Variants in UGGT1 observed in about 807,000 individuals in gnomAD.
UGGT1 encodes UDP-glucose glycoprotein glucosyltransferase 1, also known as UDP-glucose:glycoprotein glucosyltransferase 1.
In UGGT1, 107 loss-of-function variants were observed where a neutral mutation model predicts 203.9. The ratio of observed to expected loss-of-function variants is 0.52; its 90% CI spans 0.45 to 0.62. The LOEUF is 0.62. UGGT1 is among the 20% of genes least tolerant of loss of function. UGGT1 has a pLI of 0.00. For synonymous variants in UGGT1, 628 were observed against 653.5 expected, an observed-to-expected ratio of 0.96 and a Z score of 0.59; for missense variants, 1,673 against 1,867.2, an observed-to-expected ratio of 0.90 and a Z score of 1.92.
chr2:128,157,142 C>T, intron 21 of UGGT1, 110 bp from the exon 22 acceptor site: 1 of 778,862 alleles, frequency 1.3e-6, no homozygotes. Context: ...TCATTTTCTT[C>T]TTTTTGCATG....
At position 128,175,292 on chromosome 2, in the gene UGGT1, G is replaced by A. The variant is rs566571884; in HGVS notation, c.3539+434G>A. ...CTTTGGTCTTGAAGCTGTGCTGTTA[G>A]TGCTGGTATTCCTTGGTCTGTGGTG... On this transcript the variant is annotated intron_variant, in intron 31 of 40. Transcript: ENST00000259253. Among the ~76,000 whole-genome samples, 6 of 152,362 alleles carry A rather than the reference G, an allele frequency of 3.9e-5. No homozygotes were observed. In the East Asian group the frequency reaches 1.2e-3, roughly 29 times the overall value.
intron 13 of UGGT1, among the ~76,000 whole-genome samples, chr2:128,129,503 A>G (rs1372802407): frequency 6.6e-6 from 1 of 151,178 alleles, no homozygotes; most frequent in African/African-American, 2.4e-5. Flanking sequence ...GGTTCAAGCA[A>G]TTCTCCTGCC....
chr2:128,118,339 C>T (rs1201652317), intron 8 of UGGT1, among the ~76,000 whole-genome samples: 1 of 152,096 alleles, frequency 6.6e-6, no homozygotes, highest in Non-Finnish European at 1.5e-5. Flanking sequence ...AATCACGGCT[C>T]ACTGCAGCCT....
At chr2:128,167,131 A>G (rs1474494594) in intron 26 of UGGT1, among the ~76,000 whole-genome samples, 1 of 152,204 alleles carries the variant, frequency 6.6e-6, no homozygotes, top group African/African-American at 2.4e-5. Context: ...ACTTTCAGGA[A>G]GTAACTCATT....
chr2:128,182,305 CACT>C lies in UGGT1; in HGVS notation c.4244+16_4244+18del. The C allele has an allele frequency of 6.3e-7, 1 of 1,595,318 alleles. No individual in the cohort carries two copies. Among genetic ancestry groups the C allele is most frequent in the African/African-American group, 1.3e-5 (1 of 74,164 alleles). On this transcript the variant is annotated intron_variant, in intron 37 of 40. Coordinates refer to ENST00000259253, the MANE Select transcript of UGGT1 (RefSeq NM_020120.4). ...TATCATATCAGGTACTGAAAAGAAGCACTCCTAACACTGTTACGGGGTTTTCCT... is the reference window on the plus strand; with the variant it reads ...TATCATATCAGGTACTGAAAAGAAGCCCTAACACTGTTACGGGGTTTTCCT...
intron 12 of UGGT1, among the ~76,000 whole-genome samples, chr2:128,128,608 A>T (rs371570530): frequency 6.6e-6 from 1 of 152,118 alleles, no homozygotes; most frequent in Non-Finnish European, 1.5e-5. Flanking sequence ...CACCGCGCCC[A>T]GCCCTTCATC....
At position 128,161,255 on chromosome 2, in the gene UGGT1, G is replaced by A; in HGVS notation, c.2812G>A (p.Val938Ile). 8 of 1,613,596 alleles carry A rather than the reference G, an allele frequency of 5.0e-6. No individual in the cohort carries two copies. The highest frequency in any genetic ancestry group is 6.8e-6 in the Non-Finnish European group (8 of 1,179,826). The change falls in exon 25 of 41, where the codon GTA becomes ATA. Residue 938 changes from valine (V) to isoleucine (I), a missense_variant. This residue lies in a region of UGGT1 where 1,073 missense variants were observed against 1,078.7 expected (regional missense o/e 0.99). Transcript: ENST00000259253. ...KIKSHIQQLR[V>I]EEDVASDLVM... ...AAAATCTCATATTCAACAGCTTCGG[G>A]TAGAAGAAGATGTGTAAGTTTTGCC...
At chr2:128,163,338 T>C (rs770396337) in intron 25 of UGGT1, among the ~76,000 whole-genome samples, 4 of 152,000 alleles carry the variant, frequency 2.6e-5, no homozygotes, top group Non-Finnish European at 2.9e-5. Context: ...AAAATTCTTA[T>C]TCAGGATTTA....
chr2:128,138,804 T>C lies in UGGT1; in HGVS notation c.1671T>C (p.Tyr557=), dbSNP rs1352727309. ...AGVAVLRAYN[Y]VAQEVDDYHA... ...TGGCTGTTCTTAGAGCATATAATTA[T>C]GTTGCCCAAGAAGTGGATGATTATC... The change falls in exon 16 of 41, where the codon TAT becomes TAC. Residue 557 remains tyrosine (Y), a synonymous_variant. Coordinates refer to ENST00000259253, the MANE Select transcript of UGGT1 (RefSeq NM_020120.4). 1 of 1,614,198 alleles carries C rather than the reference T, an allele frequency of 6.2e-7. No individual in the cohort carries two copies. The highest frequency in any genetic ancestry group is 1.7e-5 in the Admixed American group (1 of 60,022).
chr2:128,151,323 A>G lies in UGGT1; in HGVS notation c.2017-1461A>G, dbSNP rs940869357. ...GTTTCAGCAGCACCTTCACAGGCAG[A>G]CATGGCGCCTGCCACGCCTTCCCCA... On this transcript the variant is annotated intron_variant, in intron 18 of 40. Coordinates refer to ENST00000259253, the MANE Select transcript of UGGT1 (RefSeq NM_020120.4). 6 of 560,834 alleles carry G rather than the reference A, an allele frequency of 1.1e-5. No individual in the cohort carries two copies. The African/African-American group carries it at 1.1e-4, about 11-fold the overall frequency. The allele number at this position is 560,834 out of a possible 1,614,324, so 34.7% of individuals were successfully genotyped here.
rs1288958939 is a variant in UGGT1, at chr2:128,160,502, A to C, written c.2605A>C (p.Lys869Gln). The change falls in exon 24 of 41, where the codon AAA becomes CAA. Residue 869 changes from lysine to glutamine, a missense_variant. Coordinates refer to ENST00000259253, the MANE Select transcript of UGGT1 (RefSeq NM_020120.4). ...SLFKEVFESS[K>Q]MDFILSHAVY... ...TTTTAAAGAGGTCTTTGAGTCTTCC[A>C]AAATGGATTTCATTTTGTCTCATGC... is the stretch of plus-strand genomic sequence containing the variant. 7 of 1,612,650 alleles carry C rather than the reference A, an allele frequency of 4.3e-6. No homozygotes were observed. Among genetic ancestry groups the C allele is most frequent in the South Asian group, 1.1e-5 (1 of 90,834 alleles).
intron 31 of UGGT1, 71 bp from the exon 32 acceptor site, chr2:128,176,741 CAG>C: frequency 1.4e-6 from 2 of 1,380,580 alleles, no homozygotes; most frequent in Non-Finnish European, 2.0e-6. Context: ...ATGATGGACT[CAG>C]ATGCTCTGAG....
At chr2:128,133,434 G>T (rs1456178226) in intron 14 of UGGT1, among the ~76,000 whole-genome samples, 174 bp downstream of exon 14, 1 of 152,162 alleles carries the variant, frequency 6.6e-6, no homozygotes, top group African/African-American at 2.4e-5. Flanking sequence ...CTGACCACTT[G>T]TGGGGCTGTG....
chr2:128,161,342 G>A (rs142686747), intron 25 of UGGT1, 74 bp downstream of exon 25: 459 of 1,536,488 alleles, frequency 3.0e-4, no homozygotes, highest in Non-Finnish European at 3.8e-4. Flanking sequence ...AGAATTATAT[G>A]TTGTTACTCA....
chr2:128,113,310 A>G (rs778494682), intron 6 of UGGT1, 52 bp downstream of exon 6: 2 of 1,388,636 alleles, frequency 1.4e-6, no homozygotes, highest in Non-Finnish European at 1.9e-6. Context: ...GCCTAGCATG[A>G]CTTTAGAACA....
chr2:128,183,254 A>T (rs1691799329), intron 37 of UGGT1, among the ~76,000 whole-genome samples: 1 of 152,232 alleles, frequency 6.6e-6, no homozygotes, highest in African/African-American at 2.4e-5. Flanking sequence ...GCTGGGGTTT[A>T]GTGATGGTGG....
At chr2:128,138,241 C>G (rs796417598) in intron 15 of UGGT1, among the ~76,000 whole-genome samples, 1 of 152,118 alleles carries the variant, frequency 6.6e-6, no homozygotes, top group Non-Finnish European at 1.5e-5. Context: ...TGTAAGTGGC[C>G]GGGCATGGTG....
At position 128,096,689 on chromosome 2, in the gene UGGT1, C is replaced by T. The variant is rs114540967; in HGVS notation, c.59-740C>T. Among the ~76,000 whole-genome samples the T allele has an allele frequency of 7.1e-3, 1,083 of 152,302 alleles. 8 individuals are homozygous for T. Among genetic ancestry groups the T allele is most frequent in the Non-Finnish European group, 0.012 (846 of 68,024 alleles). On this transcript the variant is annotated intron_variant, in intron 1 of 40. Coordinates refer to ENST00000259253, the MANE Select transcript of UGGT1 (RefSeq NM_020120.4). ...TGTATTTACAAATAAGTTGACATTACGAGGTACCGGGGGATAGGATTTCCA... is the reference window on the plus strand; with the variant it reads ...TGTATTTACAAATAAGTTGACATTATGAGGTACCGGGGGATAGGATTTCCA...
At chr2:128,176,631 C>T (rs1007154822) in intron 31 of UGGT1, among the ~76,000 whole-genome samples, 183 bp from the exon 32 acceptor site, 2 of 152,040 alleles carry the variant, frequency 1.3e-5, no homozygotes, top group Admixed American at 6.6e-5. Flanking sequence ...TGGGCATGCA[C>T]CTTATATAAA....
Sources: gnomAD v4.1 joint callset for allele counts (sites outside exome capture counted in the v4.1 genomes callset) on GRCh38, gnomAD v4.1.1 for gene constraint, gnomAD v4.1.1 regional missense constraint, MANE v1.5 for transcripts, NCBI Gene and HGNC (gene_info 2026-07-23, HGNC 2026-07-21) for gene names.